The following CHST11 variants were observed in gnomAD, a reference collection of about 807,000 sequenced individuals.
CHST11 encodes C4S-1.
A neutral mutation model predicts 30.4 loss-of-function variants in CHST11; 9 were observed. That is an observed-to-expected ratio of 0.30 (90% CI 0.18 to 0.52). CHST11 has a LOEUF of 0.52. CHST11 is among the 20% of genes least tolerant of loss of function. The pLI is 0.97. For synonymous variants in CHST11, 152 were observed against 187.8 expected (o/e 0.81, Z 1.56); for missense variants, 348 against 460.6 (o/e 0.76, Z 2.24).
At chr12:104,530,026 G>A (rs941248118) in intron 1 of CHST11, among the ~76,000 whole-genome samples, 1 of 152,128 alleles carries the variant, frequency 6.6e-6, no homozygotes, top group East Asian at 1.9e-4. Context: ...AGGCATGGTG[G>A]CACAAGCCTG....
chr12:104,724,838 A>G (rs1032614355), intron 2 of CHST11, among the ~76,000 whole-genome samples: 2 of 152,204 alleles, frequency 1.3e-5, no homozygotes, highest in South Asian at 2.1e-4. Flanking sequence ...CAGATAGACA[A>G]TGAATAATTT....
chr12:104,575,783 G>A (rs567600991), intron 1 of CHST11, among the ~76,000 whole-genome samples: 36 of 152,178 alleles, frequency 2.4e-4, no homozygotes, highest in African/African-American at 6.5e-4. Context: ...CCACTGCTTC[G>A]TCAGAAGGGC....
intron 2 of CHST11, among the ~76,000 whole-genome samples, chr12:104,741,654 A>G (rs572917403): frequency 5.1e-4 from 78 of 152,314 alleles, no homozygotes; most frequent in African/African-American, 1.8e-3. Flanking sequence ...AATTGCCTCT[A>G]TCGGTCTTCT....
intron 2 of CHST11, among the ~76,000 whole-genome samples, chr12:104,640,658 T>G (rs2039367866): frequency 6.6e-6 from 1 of 152,190 alleles, no homozygotes; most frequent in Non-Finnish European, 1.5e-5. Context: ...AACTACTCTA[T>G]GCAATGCTTT....
At chr12:104,654,807 C>T (rs1482644440) in intron 2 of CHST11, among the ~76,000 whole-genome samples, 3 of 152,126 alleles carry the variant, frequency 2.0e-5, no homozygotes, top group Non-Finnish European at 4.4e-5. Context: ...AACCATGAGC[C>T]CCTCCACCCC....
intron 1 of CHST11, among the ~76,000 whole-genome samples, chr12:104,545,178 C>G (rs978173527): frequency 6.8e-5 from 7 of 102,550 alleles, no homozygotes; most frequent in Admixed American, 2.2e-4. Flanking sequence ...AAAATCAATC[C>G]ATTCATTGCC....
intron 2 of CHST11, among the ~76,000 whole-genome samples, chr12:104,714,582 C>T (rs565751539): frequency 2.3e-4 from 35 of 151,968 alleles, no homozygotes; most frequent in Non-Finnish European, 3.4e-4. Flanking sequence ...ATGATGGTGA[C>T]GGTGATGATG....
chr12:104,476,167 G>A (rs1231844467), intron 1 of CHST11, among the ~76,000 whole-genome samples: 5 of 134,396 alleles, frequency 3.7e-5, no homozygotes, highest in South Asian at 2.3e-4. Flanking sequence ...TAAATAAATA[G>A]AATTATAATT....
Position 104,497,981 on chromosome 12 carries a change from G to A in CHST11, c.118+40452G>A, listed in dbSNP as rs550303930. 3.5e-5 allele frequency among the ~76,000 whole-genome samples: 5 copies of A among 144,134 alleles called. No individual in the cohort carries two copies. The South Asian group carries it at 1.1e-3, about 32-fold the overall frequency. 94.6% of individuals were successfully genotyped at this position (144,134 alleles called of 152,430 possible). On this transcript the variant is annotated intron_variant, in intron 1 of 2. Coordinates refer to ENST00000303694, the MANE Select transcript of CHST11 (RefSeq NM_018413.6). ...GTCACCCAGGCTGGAGTGCAATGGT[G>A]AGATCTTGGCTCACTGCAACCTCCG...
chr12:104,637,175 C>T (rs1231487893), intron 2 of CHST11, among the ~76,000 whole-genome samples: 12 of 151,264 alleles, frequency 7.9e-5, no homozygotes, highest in African/African-American at 2.2e-4. Flanking sequence ...TGTGGTGGCA[C>T]GCACTTGTAG....
intron 2 of CHST11, among the ~76,000 whole-genome samples, chr12:104,624,938 A>G (rs76245065): frequency 0.019 from 2,961 of 152,284 alleles, 62 homozygotes; most frequent in African/African-American, 0.053. Flanking sequence ...TCTTCTTATA[A>G]GGACACGGTC....
At chr12:104,528,413 G>A (rs2038149122) in intron 1 of CHST11, among the ~76,000 whole-genome samples, 1 of 152,180 alleles carries the variant, frequency 6.6e-6, no homozygotes, top group Non-Finnish European at 1.5e-5. Flanking sequence ...CAATCACATA[G>A]TAAATTTCAA....
At chr12:104,559,663 A>C (rs1165086360) in intron 1 of CHST11, among the ~76,000 whole-genome samples, 1 of 152,208 alleles carries the variant, frequency 6.6e-6, no homozygotes, top group Non-Finnish European at 1.5e-5. Flanking sequence ...GAATCGCTTG[A>C]ACCTGGGAGG....
intron 2 of CHST11, among the ~76,000 whole-genome samples, chr12:104,683,305 G>T (rs991650525): frequency 3.3e-5 from 5 of 152,182 alleles, no homozygotes; most frequent in Non-Finnish European, 7.3e-5. Context: ...GAGGGAAAGA[G>T]AAATCATTTA....
chr12:104,689,012 A>G (rs769870177), intron 2 of CHST11, among the ~76,000 whole-genome samples: 4 of 152,268 alleles, frequency 2.6e-5, no homozygotes, highest in South Asian at 4.1e-4. Flanking sequence ...ACTTTTTAAT[A>G]TAAGTATTAT....
At chr12:104,535,791 A>T (rs1012400267) in intron 1 of CHST11, among the ~76,000 whole-genome samples, 1 of 152,212 alleles carries the variant, frequency 6.6e-6, no homozygotes, top group Admixed American at 6.5e-5. Context: ...TCATGTATTC[A>T]TTTGTGGCAG....
Position 104,498,013 on chromosome 12 carries a change from G to A in CHST11, c.118+40484G>A, listed in dbSNP as rs369216271. On this transcript the variant is annotated intron_variant, in intron 1 of 2. Coordinates refer to ENST00000303694, the MANE Select transcript of CHST11 (RefSeq NM_018413.6). Reference sequence around the variant, plus strand: ...TGGCTCACTGCAACCTCCGCCTCCCGGTTCAAGCAATTCTCGTGCCTCAGC... The same window carrying A: ...TGGCTCACTGCAACCTCCGCCTCCCAGTTCAAGCAATTCTCGTGCCTCAGC... Among the ~76,000 whole-genome samples the A allele has an allele frequency of 2.5e-4, 36 of 145,790 alleles. No individual in the cohort carries two copies. The East Asian group carries it at 6.4e-3, about 26-fold the overall frequency.
intron 2 of CHST11, among the ~76,000 whole-genome samples, chr12:104,669,428 T>TC (rs903618081): frequency 1.3e-5 from 2 of 151,650 alleles, no homozygotes; most frequent in African/African-American, 2.4e-5. Flanking sequence ...TGATTTTTTT[T>TC]CCCCCTTGAA....
At chr12:104,723,907 A>G (rs909242963) in intron 2 of CHST11, among the ~76,000 whole-genome samples, 2 of 152,230 alleles carry the variant, frequency 1.3e-5, no homozygotes, top group African/African-American at 2.4e-5. Context: ...GAGGGTTCAT[A>G]CTGGGGAAGT....
Sources: allele counts gnomAD v4.1 joint callset (sites outside exome capture counted in the v4.1 genomes callset), GRCh38; gene constraint gnomAD v4.1.1; transcripts MANE v1.5; gene names NCBI Gene and HGNC (gene_info 2026-07-23, HGNC 2026-07-21).